The following EPHA4 variants were observed in gnomAD, a reference collection of about 807,000 sequenced individuals.
The protein encoded by EPHA4 is EPH receptor A4.
EPHA4 carries 19 observed loss-of-function variants against 108.3 expected under a neutral mutation model. That is an observed-to-expected ratio of 0.18 (90% CI 0.12 to 0.26). The LOEUF is 0.26. Ranked by LOEUF, EPHA4 falls within the 10% of genes least tolerant of loss-of-function variation. EPHA4 has a pLI of 1.00. For missense variants in EPHA4, 917 were observed against 1,254.0 expected, an observed-to-expected ratio of 0.73 and a Z score of 4.06; for synonymous variants, 449 against 455.5, an observed-to-expected ratio of 0.99 and a Z score of 0.18.
At chr2:221,519,207 TG>T (rs1202932168) in intron 3 of EPHA4, among the ~76,000 whole-genome samples, 1 of 152,208 alleles carries the variant, frequency 6.6e-6, no homozygotes, top group East Asian at 1.9e-4. Flanking sequence ...ACAGCTAGGG[TG>T]GCTATAAATG....
intron 9 of EPHA4, among the ~76,000 whole-genome samples, chr2:221,445,588 A>AG (rs1221400802): frequency 2.0e-5 from 2 of 102,258 alleles, no homozygotes; most frequent in Admixed American, 1.1e-4. Context: ...AGACTCCGTC[A>AG]GAAAAAAAAA....
intron 2 of EPHA4, among the ~76,000 whole-genome samples, chr2:221,564,695 C>T (rs1694573123): frequency 6.6e-6 from 1 of 151,742 alleles, no homozygotes; most frequent in Non-Finnish European, 1.5e-5. Flanking sequence ...CTCAAATTCA[C>T]CTATTACAAC....
intron 5 of EPHA4, among the ~76,000 whole-genome samples, chr2:221,474,560 T>C (rs1214005859): frequency 6.6e-6 from 1 of 152,136 alleles, no homozygotes; most frequent in Non-Finnish European, 1.5e-5. Context: ...GCTCATTGTG[T>C]GCTTGCTTGG....
chr2:221,523,345 T>A (rs1260577132), intron 3 of EPHA4, among the ~76,000 whole-genome samples: 1 of 151,954 alleles, frequency 6.6e-6, no homozygotes, highest in East Asian at 1.9e-4. Context: ...TGGAGTGCAA[T>A]GGCACGATCT....
chr2:221,555,418 G>T (rs1428636920), intron 3 of EPHA4, among the ~76,000 whole-genome samples: 1 of 152,232 alleles, frequency 6.6e-6, no homozygotes, highest in East Asian at 1.9e-4. Flanking sequence ...AGAATCTGCT[G>T]CCTGGAACTG....
At chr2:221,532,267 C>T (rs948609479) in intron 3 of EPHA4, among the ~76,000 whole-genome samples, 2 of 151,928 alleles carry the variant, frequency 1.3e-5, no homozygotes, top group Non-Finnish European at 2.9e-5. Flanking sequence ...GGATTATAGG[C>T]ACGTGCTGCC....
intron 3 of EPHA4, among the ~76,000 whole-genome samples, chr2:221,548,944 A>G (rs1694082831): frequency 6.6e-6 from 1 of 152,146 alleles, no homozygotes; most frequent in Non-Finnish European, 1.5e-5. Flanking sequence ...TTTACCGCTC[A>G]GGGACTACTA....
chr2:221,458,163 A>G (rs527740014), intron 5 of EPHA4, among the ~76,000 whole-genome samples, 173 bp from the exon 6 acceptor site: 6 of 152,164 alleles, frequency 3.9e-5, no homozygotes, highest in Non-Finnish European at 8.8e-5. Flanking sequence ...CCTTCTCTCC[A>G]GTATATTTTT....
chr2:221,439,581 G>A (rs1430896888), intron 11 of EPHA4, among the ~76,000 whole-genome samples: 2 of 151,740 alleles, frequency 1.3e-5, no homozygotes, highest in East Asian at 3.9e-4. Flanking sequence ...TTGAACTCCT[G>A]GGCTCAAGGG....
At chr2:221,502,626 T>C (rs1433427227) in intron 3 of EPHA4, 1 of 470,550 alleles carries the variant, frequency 2.1e-6, no homozygotes, top group Non-Finnish European at 4.4e-6. Context: ...AGCATCTGTA[T>C]GGCTTCCAGC....
chr2:221,439,847 G>A (rs988018623), intron 11 of EPHA4, among the ~76,000 whole-genome samples: 7 of 152,126 alleles, frequency 4.6e-5, no homozygotes, highest in African/African-American at 1.2e-4. Context: ...AGGGTCATGC[G>A]GAGAATTTAT....
chr2:221,454,246 T>C (rs1012084847), intron 8 of EPHA4, among the ~76,000 whole-genome samples: 2 of 151,898 alleles, frequency 1.3e-5, no homozygotes, highest in Non-Finnish European at 2.9e-5. Context: ...AACTAGATTA[T>C]ATGGTCACCA....
intron 5 of EPHA4, among the ~76,000 whole-genome samples, chr2:221,474,715 TAGA>T (rs1373928179): frequency 2.0e-5 from 3 of 152,210 alleles, no homozygotes; most frequent in African/African-American, 7.2e-5. Context: ...AATGAATCTC[TAGA>T]AGGAGTTCTT....
intron 11 of EPHA4, among the ~76,000 whole-genome samples, chr2:221,440,353 A>G (rs1410971472): frequency 6.6e-6 from 1 of 152,168 alleles, no homozygotes; most frequent in Non-Finnish European, 1.5e-5. Context: ...TGCTAGGAAA[A>G]TCACTGTCTG....
intron 3 of EPHA4, among the ~76,000 whole-genome samples, chr2:221,550,803 T>C (rs1365751006): frequency 1.3e-5 from 2 of 152,022 alleles, no homozygotes; most frequent in East Asian, 3.9e-4. Context: ...TAAGGCTTTT[T>C]TTTTTCTACA....
At chr2:221,544,718 C>T (rs1693937661) in intron 3 of EPHA4, among the ~76,000 whole-genome samples, 1 of 152,150 alleles carries the variant, frequency 6.6e-6, no homozygotes, top group South Asian at 2.1e-4. Flanking sequence ...TGTTGAAGCC[C>T]TAACCCCACA....
intron 3 of EPHA4, among the ~76,000 whole-genome samples, chr2:221,522,848 A>G (rs1693211211): frequency 6.6e-6 from 1 of 151,592 alleles, no homozygotes; most frequent in African/African-American, 2.4e-5. Context: ...CTGCAACCCA[A>G]CCTCTGCCTC....
Position 221,476,699 on chromosome 2 carries a change from C to T in EPHA4, c.1318+5653G>A, listed in dbSNP as rs548985234. On this transcript the variant is annotated intron_variant, in intron 5 of 17. Coordinates refer to ENST00000281821, the MANE Select transcript of EPHA4 (RefSeq NM_004438.5). ...TCTCCCACCATTTTCTTGAAGCTTT[C>T]CTCTTACTATCTAGAAGACAGGTAG... Among the ~76,000 whole-genome samples, 25 of 152,252 alleles carry T rather than the reference C, an allele frequency of 1.6e-4. No homozygotes were observed. The South Asian group carries it at 5.2e-3, about 32-fold the overall frequency.
At chr2:221,540,166 C>T (rs145656158) in intron 3 of EPHA4, among the ~76,000 whole-genome samples, 8 of 152,266 alleles carry the variant, frequency 5.3e-5, no homozygotes, top group Admixed American at 2.0e-4. Context: ...GTGATCTGCC[C>T]GCCTCGTCCT....
Sources: allele counts gnomAD v4.1 joint callset (sites outside exome capture counted in the v4.1 genomes callset), GRCh38; gene constraint gnomAD v4.1.1; transcripts MANE v1.5; gene names NCBI Gene and HGNC (gene_info 2026-07-23, HGNC 2026-07-21).